EYS: variants seen among roughly 807,000 people sequenced by gnomAD.
EYS encodes EGF-like photoreceptor maintenance factor, also known as protein eyes shut homolog.
A neutral mutation model predicts 282.1 loss-of-function variants in EYS; 250 were observed. That is an observed-to-expected ratio of 0.89 (90% confidence interval 0.80 to 0.98). EYS has a LOEUF of 0.98. Ranked by LOEUF, EYS falls within the 50% of genes least tolerant of loss-of-function variation. The probability of loss-of-function intolerance (pLI) is 0.00; values close to 1 mark genes in which losing one functional copy is unlikely to be tolerated. For missense variants in EYS, 4,016 were observed against 3,709.0 expected (o/e 1.08, Z -2.15); for synonymous variants, 1,355 against 1,282.9 (o/e 1.06, Z -1.20).
At chr6:65,610,135 G>A (rs1449226282) in intron 2 of EYS, among the ~76,000 whole-genome samples, 1 of 151,890 alleles carries the variant, frequency 6.6e-6, no homozygotes, top group African/African-American at 2.4e-5. Context: ...AGCAAACTCA[G>A]GCCACAAGTG....
chr6:64,941,692 T>C (rs960012999), intron 15 of EYS, among the ~76,000 whole-genome samples: 13 of 152,086 alleles, frequency 8.5e-5, no homozygotes, highest in African/African-American at 1.2e-4. Flanking sequence ...CTTCCACTTA[T>C]AAGTGAGAAC....
intron 2 of EYS, among the ~76,000 whole-genome samples, chr6:65,560,641 T>C (rs1009470819): frequency 6.6e-6 from 1 of 151,842 alleles, no homozygotes; most frequent in Admixed American, 6.6e-5. Context: ...ATTCTGCATG[T>C]CTTTCACATA....
chr6:65,405,350 A>T lies in EYS; in HGVS notation c.880T>A (p.Ser294Thr), dbSNP rs1345009813. ...AGCAGAGAAACACAAGGTTTTGCTG[A>T]CACCTCACAGAATGGACCTTAAAAA... Reference protein sequence around the residue: ...EQFSGPFCEVSAKPCVSLLFW... With the variant: ...EQFSGPFCEVTAKPCVSLLFW... Residue 294 changes from serine to threonine, a missense_variant, in exon 6 of 43, where the codon TCA becomes ACA. By Grantham distance (58) the Ser-to-Thr change is moderately conservative. Transcript: ENST00000503581. 1 of 1,611,868 alleles carries T rather than the reference A, an allele frequency of 6.2e-7. No homozygotes were observed.
Position 63,984,503 on chromosome 6 carries a change from A to G in EYS, c.6935T>C (p.Leu2312Pro). Residue 2312 changes from leucine (L) to proline (P), a missense_variant, in exon 35 of 43, where the codon CTT becomes CCT. Coordinates refer to ENST00000503581, the MANE Select transcript of EYS (RefSeq NM_001142800.2). ...GAAGAATTCTTTGTTGTTTACTTGA[A>G]GGTCTAGAATGCAGCCCCTGAACCC... ...VYGFRGCILDLQVNNKEFFII... is the reference protein window; with the variant it reads ...VYGFRGCILDPQVNNKEFFII... The G allele has an allele frequency of 6.5e-7, 1 of 1,549,638 alleles. No individual in the cohort carries two copies. Among genetic ancestry groups the G allele is most frequent in the Non-Finnish European group, 8.7e-7 (1 of 1,145,500 alleles).
chr6:63,938,892 G>A (rs1765150829), intron 35 of EYS, among the ~76,000 whole-genome samples: 1 of 152,148 alleles, frequency 6.6e-6, no homozygotes, highest in South Asian at 2.1e-4. Context: ...TTTATCATGG[G>A]TCAGGAGCAC....
intron 36 of EYS, among the ~76,000 whole-genome samples, chr6:63,852,156 CAAAAAAAAAAA>C (rs67772165): frequency 1.5e-4 from 8 of 54,988 alleles, no homozygotes; most frequent in Admixed American, 9.6e-4. Context: ...GACTCTGTCT[CAAAAAAAAAAA>C]AAAAAAAAAA....
intron 41 of EYS, among the ~76,000 whole-genome samples, chr6:63,762,244 AAATT>A (rs1254742842): frequency 2.0e-5 from 3 of 152,072 alleles, no homozygotes; most frequent in Non-Finnish European, 4.4e-5. Context: ...TAGAGTTAAT[AAATT>A]AAAGCAATAC....
chr6:63,745,396 G>C (rs1769187554), intron 41 of EYS, among the ~76,000 whole-genome samples: 1 of 152,196 alleles, frequency 6.6e-6, no homozygotes, highest in African/African-American at 2.4e-5. Context: ...AGCTGAAAGA[G>C]GAAAAGAAGA....
At chr6:65,283,584 T>C (rs1336305988) in intron 12 of EYS, among the ~76,000 whole-genome samples, 2 of 152,066 alleles carry the variant, frequency 1.3e-5, no homozygotes, top group Admixed American at 6.6e-5. Flanking sequence ...TTTACTGATT[T>C]TAATGGAGAT....
chr6:64,216,755 G>T lies in EYS; in HGVS notation c.6424+13837C>A, dbSNP rs543736201. ...CTGGTGAAGCATGCTTTCAGAGGCTGCTCCTTAGTCCGAAGAAGTCCAGAG... is the reference window on the plus strand; with the variant it reads ...CTGGTGAAGCATGCTTTCAGAGGCTTCTCCTTAGTCCGAAGAAGTCCAGAG... On this transcript the variant is annotated intron_variant, in intron 31 of 42. Transcript: ENST00000503581. Among the ~76,000 whole-genome samples the T allele has an allele frequency of 2.8e-4, 42 of 152,276 alleles. No individual in the cohort carries two copies. The East Asian group carries it at 6.6e-3, about 24-fold the overall frequency.
chr6:64,669,446 G>C (rs932811110), intron 22 of EYS, among the ~76,000 whole-genome samples: 2 of 152,182 alleles, frequency 1.3e-5, no homozygotes, highest in Admixed American at 6.5e-5. Context: ...GCTTGTGTAA[G>C]AGTTTTGTGG....
At chr6:64,537,483 A>T (rs1764558198) in intron 26 of EYS, among the ~76,000 whole-genome samples, 1 of 152,112 alleles carries the variant, frequency 6.6e-6, no homozygotes. Flanking sequence ...ATACATTCTG[A>T]CTTTTTAAAA....
At chr6:65,083,424 CTT>C (rs1409000824) in intron 12 of EYS, among the ~76,000 whole-genome samples, 1 of 151,916 alleles carries the variant, frequency 6.6e-6, no homozygotes, top group Non-Finnish European at 1.5e-5. Flanking sequence ...CATTATGACT[CTT>C]TACATGACTG....
chr6:65,291,563 A>G (rs1323533632), intron 12 of EYS, among the ~76,000 whole-genome samples: 2 of 151,626 alleles, frequency 1.3e-5, no homozygotes, highest in South Asian at 2.1e-4. Flanking sequence ...ACATATGTAC[A>G]TGAAATCCAC....
intron 28 of EYS, 46 bp downstream of exon 28, chr6:64,436,128 C>A: frequency 8.5e-7 from 1 of 1,172,882 alleles, no homozygotes; most frequent in South Asian, 1.6e-5. Context: ...TAGGGATAGC[C>A]TTTGCTACTT....
intron 26 of EYS, among the ~76,000 whole-genome samples, chr6:64,452,939 A>G (rs1255495933): frequency 1.3e-5 from 2 of 152,248 alleles, no homozygotes; most frequent in African/African-American, 4.8e-5. Context: ...CATTCAGGAC[A>G]TAGGCATGGG....
At chr6:65,558,893 T>G (rs1473779) in intron 2 of EYS, among the ~76,000 whole-genome samples, 1 of 151,976 alleles carries the variant, frequency 6.6e-6, no homozygotes, top group Non-Finnish European at 1.5e-5. Flanking sequence ...ATATCCTAGT[T>G]TCCTTAATTA....
intron 8 of EYS, among the ~76,000 whole-genome samples, chr6:65,363,521 T>C (rs1179948702): frequency 6.6e-6 from 1 of 151,914 alleles, no homozygotes; most frequent in Non-Finnish European, 1.5e-5. Context: ...AATGTTATGA[T>C]TGATGTTGTT....
In EYS at chr6:63,720,651, ATTAG is replaced by A. The variant is rs1166245419; in HGVS notation, c.9376_9379del (p.Ile3127AsnfsTer2). 4.6e-6 allele frequency: 7 copies of A among 1,533,894 alleles called. No individual in the cohort carries two copies. In the East Asian group the frequency reaches 1.5e-4, roughly 32 times the overall value. On this transcript the variant is annotated frameshift_variant, in exon 43 of 43. Coordinates refer to ENST00000503581, the MANE Select transcript of EYS (RefSeq NM_001142800.2). LOFTEE classifies it high-confidence loss of function. ...ATAAACATTGTATCCTTCTAATTTA[ATTAG>A]TTCAATGTTTTTTGGTTCCTGAAAA...
Sources: gnomAD v4.1 joint callset for allele counts (sites outside exome capture counted in the v4.1 genomes callset) on GRCh38, gnomAD v4.1.1 for gene constraint, MANE v1.5 for transcripts, NCBI Gene and HGNC (gene_info 2026-07-23, HGNC 2026-07-21) for gene names.